The following KIAA1328 variants were observed in gnomAD, a reference collection of about 807,000 sequenced individuals.
KIAA1328 encodes the protein KIAA1328, also known as protein hinderin.
KIAA1328 carries 52 observed loss-of-function variants against 68.1 expected under a neutral mutation model. That is an observed-to-expected ratio of 0.76 (90% CI 0.61 to 0.96). The LOEUF is 0.96. Among genes scored for constraint, KIAA1328 ranks in the 40% least tolerant of loss-of-function variants. KIAA1328 has a pLI of 0.00. For missense variants in KIAA1328, 641 were observed against 677.6 expected (o/e 0.95, Z 0.60); for synonymous variants, 232 against 239.4 (o/e 0.97, Z 0.28).
chr18:37,098,129 A>T (rs1297153520), intron 7 of KIAA1328, among the ~76,000 whole-genome samples: 1 of 152,204 alleles, frequency 6.6e-6, no homozygotes, highest in Non-Finnish European at 1.5e-5. Flanking sequence ...GAGTGGTGAG[A>T]GAGGGCATCC....
At chr18:36,921,749 G>A (rs1253557312) in intron 5 of KIAA1328, among the ~76,000 whole-genome samples, 1 of 152,042 alleles carries the variant, frequency 6.6e-6, no homozygotes, top group Admixed American at 6.6e-5. Context: ...GATTTACTAT[G>A]ACTTGTGTGG....
intron 7 of KIAA1328, among the ~76,000 whole-genome samples, chr18:37,154,069 CT>C: frequency 6.6e-6 from 1 of 152,158 alleles, no homozygotes; most frequent in African/African-American, 2.4e-5. Flanking sequence ...TTTCATCTGC[CT>C]TTTTCTAAAA....
chr18:37,222,142 A>C lies in KIAA1328; in HGVS notation c.1649A>C (p.Lys550Thr). ...GGTACTTTCCGACTCAGTCCTCTAAAATCAACCCGGAAGAAGATGGGGATG... is the reference window on the plus strand; with the variant it reads ...GGTACTTTCCGACTCAGTCCTCTAACATCAACCCGGAAGAAGATGGGGATG... ...NHGTFRLSPL[K>T]STRKKMGMHR... is the part of the protein sequence containing the mutation. Residue 550 changes from lysine to threonine, a missense_variant, in exon 10 of 10, where the codon AAA (lysine) becomes ACA (threonine). Transcript: ENST00000280020. The C allele has an allele frequency of 2.5e-6, 4 of 1,610,986 alleles. No homozygotes were observed. Among genetic ancestry groups the C allele is most frequent in the Non-Finnish European group, 3.4e-6 (4 of 1,178,510 alleles).
At chr18:36,954,676 G>A (rs1232923081) in intron 5 of KIAA1328, among the ~76,000 whole-genome samples, 1 of 145,826 alleles carries the variant, frequency 6.9e-6, no homozygotes, top group African/African-American at 2.5e-5. Flanking sequence ...CTTCTGTAAA[G>A]AAAGACTTCA....
intron 9 of KIAA1328, among the ~76,000 whole-genome samples, chr18:37,181,564 T>C (rs892836100): frequency 1.3e-5 from 2 of 152,150 alleles, no homozygotes; most frequent in Admixed American, 1.3e-4. Context: ...TTATAGTGTG[T>C]AAGTTAGGAA....
At chr18:36,917,309 GGC>G (rs1488912215) in intron 5 of KIAA1328, among the ~76,000 whole-genome samples, 1 of 151,984 alleles carries the variant, frequency 6.6e-6, no homozygotes, top group East Asian at 1.9e-4. Context: ...ATGTCACCCT[GGC>G]AGCTCAAGCA....
At chr18:37,204,929 C>G (rs1395150576) in intron 9 of KIAA1328, among the ~76,000 whole-genome samples, 1 of 151,568 alleles carries the variant, frequency 6.6e-6, no homozygotes, top group African/African-American at 2.4e-5. Flanking sequence ...AGAATTCAGC[C>G]AGGACAAACA....
intron 7 of KIAA1328, among the ~76,000 whole-genome samples, chr18:37,103,825 C>T (rs963078269): frequency 2.6e-5 from 4 of 151,792 alleles, no homozygotes; most frequent in Non-Finnish European, 5.9e-5. Context: ...CACACACACA[C>T]ACACACACAC....
At chr18:36,851,282 G>A (rs183532693) in intron 4 of KIAA1328, among the ~76,000 whole-genome samples, 1 of 152,194 alleles carries the variant, frequency 6.6e-6, no homozygotes, top group Admixed American at 6.5e-5. Context: ...TTCTCATAGT[G>A]TCTTTATCTG....
chr18:37,018,454 TTAGTA>T (rs544590288), intron 6 of KIAA1328, among the ~76,000 whole-genome samples: 14 of 152,166 alleles, frequency 9.2e-5, no homozygotes, highest in Non-Finnish European at 2.1e-4. Context: ...TGGTGATTAT[TTAGTA>T]TAGTATCTTC....
chr18:37,071,342 G>T (rs1011832475), intron 7 of KIAA1328, among the ~76,000 whole-genome samples: 1 of 151,612 alleles, frequency 6.6e-6, no homozygotes, highest in Non-Finnish European at 1.5e-5. Context: ...CAAAGTGCTG[G>T]GATTACAGGC....
At chr18:37,117,830 A>T (rs1381680489) in intron 7 of KIAA1328, among the ~76,000 whole-genome samples, 1 of 151,578 alleles carries the variant, frequency 6.6e-6, no homozygotes, top group African/African-American at 2.4e-5. Flanking sequence ...ATCTCACGTT[A>T]GATGATAGAG....
At chr18:37,000,618 T>A (rs1046101972) in intron 6 of KIAA1328, among the ~76,000 whole-genome samples, 1 of 150,124 alleles carries the variant, frequency 6.7e-6, no homozygotes, top group Non-Finnish European at 1.5e-5. Context: ...CTCAAAAAAA[T>A]TTTAAGAAAT....
intron 7 of KIAA1328, among the ~76,000 whole-genome samples, chr18:37,142,361 T>C (rs984719399): frequency 1.3e-5 from 2 of 151,986 alleles, no homozygotes; most frequent in Non-Finnish European, 2.9e-5. Flanking sequence ...CTGGCTAATT[T>C]TTGTATTTTT....
rs956859014 is a variant in KIAA1328 at position 36,834,134 on chromosome 18, T to G, written c.59-186T>G. 328 of 956,444 alleles carry G rather than the reference T, an allele frequency of 3.4e-4. 2 individuals are homozygous for G. The highest frequency in any genetic ancestry group is 4.3e-4 in the Non-Finnish European group (316 of 727,052). The allele number at this position is 956,444 out of a possible 1,614,324, so 59.2% of individuals were successfully genotyped here. ...AGAATATTAATTTTGCTACATTTAA[T>G]TCAATTACTTTGCTTTCTAACTTTG... On this transcript the variant is annotated intron_variant, in intron 1 of 9. Transcript: ENST00000280020.
chr18:37,048,824 A>G (rs565564458), intron 6 of KIAA1328, among the ~76,000 whole-genome samples: 1 of 152,310 alleles, frequency 6.6e-6, no homozygotes, highest in African/African-American at 2.4e-5. Context: ...ACATTTTAAG[A>G]TAAGTTACCT....
At chr18:37,229,131 G>A (rs565537623), downstream of KIAA1328, among the ~76,000 whole-genome samples, 2 of 152,268 alleles carry the variant, frequency 1.3e-5, no homozygotes, top group Admixed American at 1.3e-4. Context: ...AAGTGATAGA[G>A]TTAGGAAAGA....
rs1045133289 is a variant in KIAA1328 at position 37,121,638 on chromosome 18, A to G, written c.1233-38562A>G. ...TTTTTAGCTGTAGGTGAATTACTTTATATAATGACTGGAAAGAACATCAAA... is the reference window on the plus strand; with the variant it reads ...TTTTTAGCTGTAGGTGAATTACTTTGTATAATGACTGGAAAGAACATCAAA... On this transcript the variant is annotated intron_variant, in intron 7 of 9. Transcript: ENST00000280020. 3.9e-5 allele frequency among the ~76,000 whole-genome samples: 6 copies of G among 152,284 alleles called. No homozygotes were observed. The South Asian group carries it at 6.2e-4, about 16-fold the overall frequency.
At chr18:36,948,442 A>T (rs1202929932) in intron 5 of KIAA1328, among the ~76,000 whole-genome samples, 1 of 146,436 alleles carries the variant, frequency 6.8e-6, no homozygotes, top group Non-Finnish European at 1.5e-5. Context: ...TTGTATTTTT[A>T]GTAGAGATGG....
Sources: gnomAD v4.1 joint callset for allele counts (sites outside exome capture counted in the v4.1 genomes callset) on GRCh38, gnomAD v4.1.1 for gene constraint, MANE v1.5 for transcripts, NCBI Gene and HGNC (gene_info 2026-07-23, HGNC 2026-07-21) for gene names.